Variants in RBM26 observed in about 807,000 individuals in gnomAD.
RBM26 encodes the protein RNA binding motif protein 26, also known as RNA-binding protein 26.
A neutral mutation model predicts 123.6 loss-of-function variants in RBM26; 30 were observed. That is an observed-to-expected ratio of 0.24 (90% CI 0.18 to 0.33). The LOEUF is 0.33. Among genes scored for constraint, RBM26 ranks in the 10% least tolerant of loss-of-function variants. RBM26 has a pLI of 1.00. For synonymous variants in RBM26, 400 were observed against 404.4 expected (o/e 0.99, Z 0.13); for missense variants, 947 against 1,203.6 (o/e 0.79, Z 3.15).
rs1046473163 is a variant in RBM26, at chr13:79,320,168, A to G, written c.*453T>C. On this transcript the variant is annotated 3_prime_UTR_variant, in exon 22 of 22. Coordinates refer to ENST00000438737, the MANE Select transcript of RBM26 (RefSeq NM_001366735.2). ...TAAGCATACTACTATGTAATATTAT[A>G]ATACATAACTTGGAGACTTTAGTTA... 7.3e-6 allele frequency: 7 copies of G among 956,910 alleles called. No individual in the cohort carries two copies. The Admixed American group carries it at 1.8e-4, about 25-fold the overall frequency. 59.3% of individuals were successfully genotyped at this position (956,910 alleles called of 1,614,324 possible).
chr13:79,394,391 G>T (rs1198697576), intron 1 of RBM26, among the ~76,000 whole-genome samples: 1 of 152,154 alleles, frequency 6.6e-6, no homozygotes, highest in African/African-American at 2.4e-5. Context: ...CTTACCTCAA[G>T]CCCTAAGTCC....
At chr13:79,397,348 T>C (rs143531332) in intron 1 of RBM26, among the ~76,000 whole-genome samples, 2 of 152,118 alleles carry the variant, frequency 1.3e-5, no homozygotes, top group East Asian at 3.9e-4. Flanking sequence ...CCCTTTAGAC[T>C]GGAAACAAGA....
chr13:79,384,562 T>A lies in RBM26; in HGVS notation c.72-5655A>T, dbSNP rs545476400. On this transcript the variant is annotated intron_variant, in intron 1 of 21. Transcript: ENST00000438737. ...TGAGAGCAATAGTGCCCAGCTGGCA[T>A]CTTTGTTTTTAAAAACAGTTCAGTT... Among the ~76,000 whole-genome samples the A allele has an allele frequency of 3.3e-5, 5 of 152,266 alleles. No individual in the cohort carries two copies. The South Asian group carries it at 8.3e-4, about 25-fold the overall frequency.
At chr13:79,391,643 C>T in intron 1 of RBM26, among the ~76,000 whole-genome samples, 1 of 152,018 alleles carries the variant, frequency 6.6e-6, no homozygotes, top group Non-Finnish European at 1.5e-5. Context: ...AGGCTGGTCT[C>T]GAACTCTTGA....
downstream of RBM26, chr13:79,315,109 G>T: frequency 2.0e-6 from 1 of 510,018 alleles, no homozygotes; most frequent in Non-Finnish European, 3.3e-6. Context: ...GTCTATTTGA[G>T]AAAGAAATCA....
At chr13:79,361,428 C>G (rs984490846) in intron 9 of RBM26, among the ~76,000 whole-genome samples, 4 of 152,140 alleles carry the variant, frequency 2.6e-5, no homozygotes, top group Non-Finnish European at 5.9e-5. Flanking sequence ...CTCCATACTC[C>G]CACAGCCCTT....
intron 17 of RBM26, among the ~76,000 whole-genome samples, chr13:79,342,336 GT>G (rs2071541740): frequency 6.6e-6 from 1 of 151,608 alleles, no homozygotes; most frequent in Non-Finnish European, 1.5e-5. Context: ...ATTCATACTT[GT>G]CTATTATTAA....
rs2077640187 is a variant in RBM26 at position 79,388,124 on chromosome 13, A to C, written c.72-9217T>G. On this transcript the variant is annotated intron_variant, in intron 1 of 21. Transcript: ENST00000438737. ...TGTCTTCAAAACGTTTTATCTAATC[A>C]AACCTCTACATGCCATAAACTGGAA... Among the ~76,000 whole-genome samples the C allele has an allele frequency of 2.6e-5, 4 of 152,232 alleles. No individual in the cohort carries two copies. The South Asian group carries it at 8.3e-4, about 31-fold the overall frequency.
intron 18 of RBM26, among the ~76,000 whole-genome samples, chr13:79,340,878 G>A (rs2071263721): frequency 6.6e-6 from 1 of 151,780 alleles, no homozygotes; most frequent in Non-Finnish European, 1.5e-5. Context: ...AAATTCATTA[G>A]AAATGGAGGA....
At chr13:79,386,585 TCTC>T (rs2077503444) in intron 1 of RBM26, among the ~76,000 whole-genome samples, 2 of 29,484 alleles carry the variant, frequency 6.8e-5, no homozygotes, top group Non-Finnish European at 1.7e-4. Flanking sequence ...CACAGAACTC[TCTC>T]TTTAAAAAAA....
chr13:79,314,136 A>T (rs1479434210), downstream of RBM26: 1 of 151,796 alleles, frequency 6.6e-6, no homozygotes, highest in African/African-American at 2.4e-5. Flanking sequence ...ATTCTAAGCC[A>T]TATTAAGTCA....
At chr13:79,394,342 C>G (rs1287078138) in intron 1 of RBM26, among the ~76,000 whole-genome samples, 4 of 152,178 alleles carry the variant, frequency 2.6e-5, no homozygotes, top group Non-Finnish European at 5.9e-5. Context: ...GTTAGCACCC[C>G]TTTGGTAGGA....
At chr13:79,340,619 T>C (rs1003262852) in intron 18 of RBM26, among the ~76,000 whole-genome samples, 1 of 151,968 alleles carries the variant, frequency 6.6e-6, no homozygotes, top group Non-Finnish European at 1.5e-5. Context: ...TTGTTTCTTA[T>C]ATAAATAACC....
intron 13 of RBM26, 52 bp downstream of exon 13, chr13:79,354,387 A>G: frequency 1.5e-6 from 2 of 1,376,790 alleles, no homozygotes; most frequent in Non-Finnish European, 1.9e-6. Context: ...ACCAAGGGAA[A>G]CTAAATTACT....
At chr13:79,383,459 A>G (rs2077229857) in intron 1 of RBM26, among the ~76,000 whole-genome samples, 1 of 152,222 alleles carries the variant, frequency 6.6e-6, no homozygotes, top group African/African-American at 2.4e-5. Flanking sequence ...GTCTCACTAG[A>G]TCAATGGCTC....
At chr13:79,323,426 C>T (rs2067941219) in intron 20 of RBM26, among the ~76,000 whole-genome samples, 1 of 151,516 alleles carries the variant, frequency 6.6e-6, no homozygotes, top group South Asian at 2.1e-4. Flanking sequence ...CATGCCTGTT[C>T]AAATGCTGCT....
In RBM26 at chr13:79,319,949, C is replaced by CTTTTTTTTT. The variant is rs56071300; in HGVS notation, c.*663_*671dup. 18 of 116,092 alleles carry CTTTTTTTTT rather than the reference C, an allele frequency of 1.6e-4. No individual in the cohort carries two copies. The highest frequency in any genetic ancestry group is 6.0e-4 in the African/African-American group (2 of 3,344). The allele number at this position is 116,092 out of a possible 1,614,324, so 7.2% of individuals were successfully genotyped here. ...TTTAAATCAAGGAACATTGTCTTGG[C>CTTTTTTTTT]TTTTTTTTTTTTTTTTTTTTTGTCA... On this transcript the variant is annotated 3_prime_UTR_variant, in exon 22 of 22. Transcript: ENST00000438737.
intron 3 of RBM26, among the ~76,000 whole-genome samples, chr13:79,375,075 A>AATATATATATAAATATATAT (rs1269270155): frequency 3.5e-5 from 4 of 113,342 alleles, no homozygotes; most frequent in African/African-American, 1.5e-4. Flanking sequence ...ATATATTTAT[A>AATATATATATAAATATATAT]TGATATATAT....
intron 9 of RBM26, among the ~76,000 whole-genome samples, chr13:79,363,566 T>G (rs1198308456): frequency 1.3e-5 from 2 of 152,148 alleles, no homozygotes; most frequent in African/African-American, 4.8e-5. Flanking sequence ...AGAAGAGTAC[T>G]AAAATAATCA....
Sources: gnomAD v4.1 joint callset for allele counts (sites outside exome capture counted in the v4.1 genomes callset) on GRCh38, gnomAD v4.1.1 for gene constraint, MANE v1.5 for transcripts, NCBI Gene and HGNC (gene_info 2026-07-23, HGNC 2026-07-21) for gene names.